CDC42BPA: variants seen among roughly 807,000 people sequenced by gnomAD.
CDC42BPA encodes CDC42 binding protein kinase alpha, also known as serine/threonine-protein kinase MRCK alpha.
CDC42BPA carries 80 observed loss-of-function variants against 223.5 expected under a neutral mutation model. The ratio of observed to expected loss-of-function variants is 0.36; its 90% confidence interval spans 0.30 to 0.43. The LOEUF (loss-of-function observed/expected upper bound fraction) is 0.43, where lower values mean the gene tolerates loss of function less well. CDC42BPA is among the 20% of genes least tolerant of loss of function. The pLI is 1.00. For synonymous variants in CDC42BPA, 694 were observed against 718.6 expected (o/e 0.97, Z 0.55); for missense variants, 1,743 against 2,099.9 (o/e 0.83, Z 3.32).
chr1:227,202,835 C>A (rs1271549101), intron 3 of CDC42BPA, among the ~76,000 whole-genome samples: 1 of 151,314 alleles, frequency 6.6e-6, no homozygotes, highest in Non-Finnish European at 1.5e-5. Flanking sequence ...AAGGCTGAGG[C>A]AGAAAGATCA....
chr1:227,097,494 C>A (rs991640482), intron 15 of CDC42BPA, among the ~76,000 whole-genome samples: 1 of 152,148 alleles, frequency 6.6e-6, no homozygotes, highest in Non-Finnish European at 1.5e-5. Flanking sequence ...ACACCCCCAA[C>A]CAGGAATGGC....
intron 5 of CDC42BPA, among the ~76,000 whole-genome samples, chr1:227,177,080 C>T (rs1051174148): frequency 3.9e-4 from 15 of 38,558 alleles, no homozygotes; most frequent in South Asian, 6.9e-4. Flanking sequence ...CATTCAATAT[C>T]CCAAAAAACA....
At chr1:227,218,398 TTAA>T (rs1451099524) in intron 2 of CDC42BPA, among the ~76,000 whole-genome samples, 1 of 152,206 alleles carries the variant, frequency 6.6e-6, no homozygotes. Context: ...TCATTTATGA[TTAA>T]TAATAATAAC....
At chr1:227,147,810 T>C (rs955274661) in intron 6 of CDC42BPA, among the ~76,000 whole-genome samples, 9 of 152,028 alleles carry the variant, frequency 5.9e-5, no homozygotes, top group Admixed American at 5.9e-4. Context: ...AACAATTTAA[T>C]TTAAACCATC....
chr1:227,010,245 T>C (rs1319423749), intron 34 of CDC42BPA, among the ~76,000 whole-genome samples: 1 of 152,204 alleles, frequency 6.6e-6, no homozygotes, highest in African/African-American at 2.4e-5. Flanking sequence ...TTTTTAAATT[T>C]TCCTCTTTCT....
At chr1:227,046,026 G>A (rs902730469) in intron 23 of CDC42BPA, among the ~76,000 whole-genome samples, 2 of 151,960 alleles carry the variant, frequency 1.3e-5, no homozygotes, top group Admixed American at 6.6e-5. Flanking sequence ...GGTAGGTCTC[G>A]AACTCCTGGG....
intron 1 of CDC42BPA, among the ~76,000 whole-genome samples, chr1:227,271,778 T>C (rs1367590901): frequency 6.6e-6 from 1 of 152,194 alleles, no homozygotes; most frequent in Non-Finnish European, 1.5e-5. Flanking sequence ...GATATTGTAC[T>C]AGAAATGGGA....
At chr1:227,295,013 A>G (rs555627040) in intron 1 of CDC42BPA, among the ~76,000 whole-genome samples, 36 of 151,832 alleles carry the variant, frequency 2.4e-4, no homozygotes, top group Non-Finnish European at 3.8e-4. Flanking sequence ...TCAACGGGTT[A>G]GCACAAAAAT....
In CDC42BPA at chr1:227,016,092, T is replaced by C. The variant is rs141188296; in HGVS notation, c.4845A>G (p.Lys1615=). The C allele has an allele frequency of 1.2e-3, 1,896 of 1,570,766 alleles. 3 individuals carry two copies. The highest frequency in any genetic ancestry group is 1.5e-3 in the South Asian group (137 of 90,096). The part of the protein sequence containing the change: ...MGPGDGIQIL[K]DLPMNPRPQE... The stretch of plus-strand genomic sequence containing the variant: ...TAATTCCTCTTACCATGGGCAGATC[T>C]TTCAGGATCTGTATTCCATCTCCAG... Residue 1615 remains lysine (K), a synonymous_variant, in exon 34 of 37, where the codon AAA becomes AAG. Transcript: ENST00000366766.
intron 11 of CDC42BPA, among the ~76,000 whole-genome samples, chr1:227,122,402 A>C (rs1487447585): frequency 6.6e-6 from 1 of 152,188 alleles, no homozygotes; most frequent in Non-Finnish European, 1.5e-5. Flanking sequence ...TATTTCATAA[A>C]ATTTCTCTAC....
chr1:227,034,538 T>G, intron 26 of CDC42BPA, 117 bp downstream of exon 26: 1 of 954,142 alleles, frequency 1.0e-6, no homozygotes, highest in Non-Finnish European at 1.5e-6. Flanking sequence ...ATTAGCAAAT[T>G]AGAAAATACG....
rs940996661 is a variant in CDC42BPA, at chr1:227,192,593, C to T, written c.599+1193G>A. Among the ~76,000 whole-genome samples the T allele has an allele frequency of 2.6e-5, 4 of 152,208 alleles. No individual in the cohort carries two copies. In the East Asian group the frequency reaches 7.7e-4, roughly 29 times the overall value. On this transcript the variant is annotated intron_variant, in intron 5 of 36. Coordinates refer to ENST00000366766, the MANE Select transcript of CDC42BPA (RefSeq NM_001394014.1). The stretch of plus-strand genomic sequence containing the variant: ...ACATTTTGCACCATCCAAAGATACT[C>T]TCATTTGAATGATTAATTCACCAAC...
At chr1:227,233,143 G>A in intron 2 of CDC42BPA, among the ~76,000 whole-genome samples, 1 of 152,198 alleles carries the variant, frequency 6.6e-6, no homozygotes, top group East Asian at 1.9e-4. Flanking sequence ...CTCACGCTGG[G>A]AGCTGCAGAC....
chr1:227,307,207 AAG>A (rs1350391890), intron 1 of CDC42BPA, among the ~76,000 whole-genome samples: 4 of 152,188 alleles, frequency 2.6e-5, no homozygotes, highest in African/African-American at 9.6e-5. Flanking sequence ...TTTCTTTGTA[AAG>A]ATATATACAC....
At chr1:227,246,156 G>A (rs777066664) in intron 2 of CDC42BPA, among the ~76,000 whole-genome samples, 1 of 152,208 alleles carries the variant, frequency 6.6e-6, no homozygotes, top group Non-Finnish European at 1.5e-5. Flanking sequence ...CACTGGTGGT[G>A]TGGCCTGGCA....
chr1:227,068,441 C>T (rs1658196301), intron 21 of CDC42BPA: 1 of 163,146 alleles, frequency 6.1e-6, no homozygotes, highest in African/African-American at 2.4e-5. Flanking sequence ...CTACAACAGT[C>T]AAAGCATTTT....
intron 4 of CDC42BPA, among the ~76,000 whole-genome samples, chr1:227,198,695 T>C (rs1671196163): frequency 6.6e-6 from 1 of 151,904 alleles, no homozygotes. Context: ...TCCAGTGGGG[T>C]TGGAAAAACC....
At chr1:227,150,855 GAA>G (rs1215614965) in intron 6 of CDC42BPA, among the ~76,000 whole-genome samples, 4 of 71,110 alleles carry the variant, frequency 5.6e-5, no homozygotes, top group Non-Finnish European at 5.9e-5. Context: ...TTACCTCCCT[GAA>G]AAAAAAAAAA....
intron 10 of CDC42BPA, among the ~76,000 whole-genome samples, chr1:227,135,855 CAAAAAAAAAAAAAAAAAAAAAAAAAAAA>C (rs1175091904): frequency 9.1e-4 from 6 of 6,578 alleles, no homozygotes; most frequent in Non-Finnish European, 1.7e-3. Flanking sequence ...CTCTGTCTCC[CAAAAAAAAAAAAAAAAAAAAAAAAAAAA>C]AAAAAAAAAA....
Sources: allele counts gnomAD v4.1 joint callset (sites outside exome capture counted in the v4.1 genomes callset), GRCh38; gene constraint gnomAD v4.1.1; transcripts MANE v1.5; gene names NCBI Gene and HGNC (gene_info 2026-07-23, HGNC 2026-07-21).